DCC: variants seen among roughly 807,000 people sequenced by gnomAD.
DCC encodes netrin receptor DCC.
Under a neutral mutation model 172.5 loss-of-function variants are expected in DCC, and 58 were observed. That is an observed-to-expected ratio of 0.34 (90% confidence interval 0.27 to 0.42). DCC has a LOEUF of 0.42. Ranked by LOEUF, DCC falls within the 10% of genes least tolerant of loss-of-function variation. The pLI is 1.00. For missense variants in DCC, 1,740 were observed against 1,791.0 expected, an observed-to-expected ratio of 0.97 and a Z score of 0.51; for synonymous variants, 709 against 644.5, an observed-to-expected ratio of 1.10 and a Z score of -1.52.
chr18:53,070,363 G>C (rs2042636278), intron 7 of DCC, among the ~76,000 whole-genome samples: 1 of 152,108 alleles, frequency 6.6e-6, no homozygotes, highest in African/African-American at 2.4e-5. Context: ...TTACAATCAG[G>C]GTTGGGAAGA....
intron 8 of DCC, among the ~76,000 whole-genome samples, chr18:53,167,524 A>C (rs770628775): frequency 8.5e-5 from 13 of 152,154 alleles, no homozygotes; most frequent in Non-Finnish European, 1.8e-4. Context: ...ATAGAATCCA[A>C]TTTTCTAGGC....
intron 7 of DCC, among the ~76,000 whole-genome samples, chr18:53,091,839 CTATCTATCTATCAATCTATCTATATATA>C (rs201950917): frequency 0.12 from 11,265 of 92,456 alleles, 750 homozygotes; most frequent in East Asian, 0.54. Context: ...ATCTATCTAT[CTATCTATCTATCAATCTATCTATATATA>C]TATATATATC....
intron 26 of DCC, among the ~76,000 whole-genome samples, chr18:53,494,863 T>G (rs2046000989): frequency 6.6e-6 from 1 of 152,228 alleles, no homozygotes; most frequent in Non-Finnish European, 1.5e-5. Flanking sequence ...GCTGGTTATT[T>G]TGCCTGTTAA....
At chr18:52,622,644 G>T (rs2034500934) in intron 1 of DCC, among the ~76,000 whole-genome samples, 1 of 152,094 alleles carries the variant, frequency 6.6e-6, no homozygotes, top group Non-Finnish European at 1.5e-5. Context: ...TGGGTCCCAA[G>T]AATTTACTCT....
chr18:52,529,570 G>A (rs2032086343), intron 1 of DCC, among the ~76,000 whole-genome samples: 2 of 152,178 alleles, frequency 1.3e-5, no homozygotes, highest in Admixed American at 6.5e-5. Context: ...GATTACAGGC[G>A]TGAGCCACCG....
At chr18:52,942,725 A>T (rs1568201811) in intron 5 of DCC, among the ~76,000 whole-genome samples, 2 of 152,242 alleles carry the variant, frequency 1.3e-5, no homozygotes, top group African/African-American at 4.8e-5. Context: ...ATCTCCCGCC[A>T]GGTCCCTCCC....
At chr18:53,486,680 T>C (rs905152921) in intron 25 of DCC, 117 bp from the exon 26 acceptor site, 31 of 1,377,482 alleles carry the variant, frequency 2.3e-5, no homozygotes, top group Non-Finnish European at 3.2e-5. Flanking sequence ...GGGAACCTAG[T>C]TGATACTATG....
chr18:52,478,029 C>G (rs559548922), intron 1 of DCC, among the ~76,000 whole-genome samples: 1 of 151,998 alleles, frequency 6.6e-6, no homozygotes, highest in Admixed American at 6.6e-5. Context: ...AGGCTGCTAT[C>G]GAACTTCTGG....
intron 8 of DCC, among the ~76,000 whole-genome samples, chr18:53,178,405 A>G (rs907600179): frequency 6.6e-6 from 1 of 152,242 alleles, no homozygotes; most frequent in East Asian, 1.9e-4. Context: ...CTCTTCACGC[A>G]GGAAGGAATC....
At chr18:52,351,445 A>C (rs1265246545) in intron 1 of DCC, among the ~76,000 whole-genome samples, 3 of 152,050 alleles carry the variant, frequency 2.0e-5, no homozygotes, top group Admixed American at 1.3e-4. Context: ...TTTTTATTAG[A>C]TGTGAATTTA....
intron 5 of DCC, among the ~76,000 whole-genome samples, chr18:52,966,511 C>T (rs901213049): frequency 6.6e-6 from 1 of 152,090 alleles, no homozygotes; most frequent in Admixed American, 6.6e-5. Context: ...GGACAGCTGG[C>T]TTCTGGTGGA....
intron 1 of DCC, among the ~76,000 whole-genome samples, chr18:52,709,705 C>A (rs1373300843): frequency 6.6e-6 from 1 of 152,106 alleles, no homozygotes; most frequent in Non-Finnish European, 1.5e-5. Flanking sequence ...TACTAAGTTA[C>A]TGGAGGAATC....
intron 1 of DCC, among the ~76,000 whole-genome samples, chr18:52,369,389 G>C (rs1985017917): frequency 6.6e-6 from 1 of 152,004 alleles, no homozygotes; most frequent in Non-Finnish European, 1.5e-5. Flanking sequence ...ACAAACACCT[G>C]ACCATCAGTA....
intron 5 of DCC, among the ~76,000 whole-genome samples, chr18:52,933,958 C>CA: frequency 6.6e-6 from 1 of 152,166 alleles, no homozygotes; most frequent in South Asian, 2.1e-4. Context: ...TAATCAGGCA[C>CA]AGCTTTGGGT....
intron 7 of DCC, among the ~76,000 whole-genome samples, chr18:53,123,124 C>T (rs1358150446): frequency 6.6e-6 from 1 of 151,942 alleles, no homozygotes; most frequent in Non-Finnish European, 1.5e-5. Context: ...TTGCATATGT[C>T]ATAACAAGTT....
intron 1 of DCC, among the ~76,000 whole-genome samples, chr18:52,486,287 C>G (rs1010363333): frequency 6.6e-6 from 1 of 152,074 alleles, no homozygotes; most frequent in Non-Finnish European, 1.5e-5. Context: ...CGTTTAGAAA[C>G]AGGTCTTCAA....
intron 8 of DCC, among the ~76,000 whole-genome samples, chr18:53,169,040 A>G (rs2054970275): frequency 6.6e-6 from 1 of 152,248 alleles, no homozygotes; most frequent in South Asian, 2.1e-4. Flanking sequence ...ACATTTAAGT[A>G]CCAACTAAAT....
At chr18:52,405,548 T>A (rs1986611421) in intron 1 of DCC, among the ~76,000 whole-genome samples, 1 of 151,446 alleles carries the variant, frequency 6.6e-6, no homozygotes, top group Non-Finnish European at 1.5e-5. Context: ...GAGAGCCGAA[T>A]CGTGAGTGAA....
At chr18:52,666,185 C>A (rs191066348) in intron 1 of DCC, among the ~76,000 whole-genome samples, 1 of 151,932 alleles carries the variant, frequency 6.6e-6, no homozygotes, top group African/African-American at 2.4e-5. Flanking sequence ...CGCAGCTACT[C>A]GGTGGAGCTG....
Sources: allele counts gnomAD v4.1 joint callset (sites outside exome capture counted in the v4.1 genomes callset), GRCh38; gene constraint gnomAD v4.1.1; transcripts MANE v1.5; gene names NCBI Gene and HGNC (gene_info 2026-07-23, HGNC 2026-07-21).